The following RORA variants were observed in gnomAD, a reference collection of about 807,000 sequenced individuals.
RORA encodes nuclear receptor ROR-alpha.
A neutral mutation model predicts 69.5 loss-of-function variants in RORA; 7 were observed. The ratio of observed to expected loss-of-function variants is 0.10; its 90% CI spans 0.06 to 0.19. The LOEUF is 0.19. Ranked by LOEUF, RORA falls within the 10% of genes least tolerant of loss-of-function variation. RORA has a pLI of 1.00. For synonymous variants in RORA, 261 were observed against 240.8 expected (o/e 1.08, Z -0.78); for missense variants, 457 against 663.0 (o/e 0.69, Z 3.41).
At position 60,638,382 on chromosome 15, in the gene RORA, TTTTC is replaced by T. The variant is rs748252562; in HGVS notation, c.196+40271_196+40274del. Among the ~76,000 whole-genome samples the T allele has an allele frequency of 3.7e-3, 551 of 148,228 alleles. 1 individual carries two copies. Among genetic ancestry groups the T allele is most frequent in the East Asian group, 0.015 (79 of 5,098 alleles). On this transcript the variant is annotated intron_variant, in intron 2 of 10. Transcript: ENST00000335670. ...CTTGTCCTTATTTAACTGTATTTTC[TTTTC>T]TTTTTTTTTTTTTTTTGTCAAATGG...
intron 1 of RORA, among the ~76,000 whole-genome samples, chr15:61,116,679 C>T (rs1435611152): frequency 6.6e-6 from 1 of 152,224 alleles, no homozygotes; most frequent in Admixed American, 6.5e-5. Context: ...GAGCTTTCCT[C>T]AGGCTCTGAG....
At chr15:60,599,711 C>T (rs1358803044) in intron 2 of RORA, among the ~76,000 whole-genome samples, 1 of 152,188 alleles carries the variant, frequency 6.6e-6, no homozygotes, top group Non-Finnish European at 1.5e-5. Flanking sequence ...TTTCTTCTGC[C>T]TTCCCTCACA....
intron 2 of RORA, among the ~76,000 whole-genome samples, chr15:60,583,365 G>A (rs1185673516): frequency 3.3e-5 from 5 of 152,160 alleles, no homozygotes; most frequent in South Asian, 2.1e-4. Context: ...TTACTTTGTC[G>A]CTGAATAAAG....
At chr15:61,221,596 C>A (rs1596082621) in intron 1 of RORA, among the ~76,000 whole-genome samples, 1 of 152,294 alleles carries the variant, frequency 6.6e-6, no homozygotes, top group East Asian at 1.9e-4. Flanking sequence ...GTCATTTATA[C>A]ACAATTTTAT....
At chr15:60,869,055 C>A (rs956369564) in intron 1 of RORA, among the ~76,000 whole-genome samples, 66 of 152,164 alleles carry the variant, frequency 4.3e-4, no homozygotes, top group Admixed American at 4.3e-3. Context: ...TCAGGCACCC[C>A]CCCATTATTT....
chr15:60,835,236 G>T (rs375463778), intron 1 of RORA, among the ~76,000 whole-genome samples: 6 of 152,132 alleles, frequency 3.9e-5, no homozygotes, highest in East Asian at 3.9e-4. Context: ...CAAATCAAGG[G>T]GCCCTAAAGG....
intron 1 of RORA, among the ~76,000 whole-genome samples, chr15:60,785,863 T>A (rs1022765505): frequency 2.0e-5 from 3 of 152,246 alleles, no homozygotes; most frequent in African/African-American, 7.2e-5. Flanking sequence ...TACATTGATT[T>A]GGTGGCAATC....
intron 1 of RORA, among the ~76,000 whole-genome samples, chr15:60,760,234 G>A (rs1372186155): frequency 6.6e-6 from 1 of 152,070 alleles, no homozygotes; most frequent in Non-Finnish European, 1.5e-5. Context: ...GAGGAACTGT[G>A]CAGAGGATGA....
chr15:61,116,805 T>C (rs969898826), intron 1 of RORA, among the ~76,000 whole-genome samples: 3 of 152,068 alleles, frequency 2.0e-5, no homozygotes, highest in Non-Finnish European at 4.4e-5. Context: ...CATTTGTAAA[T>C]AGAAAAAATA....
In RORA at chr15:60,645,924, T is replaced by C. The variant is rs78868914; in HGVS notation, c.196+32733A>G. Among the ~76,000 whole-genome samples the C allele has an allele frequency of 2.6e-3, 403 of 152,092 alleles. 2 individuals are homozygous for C. Among genetic ancestry groups the C allele is most frequent in the African/African-American group, 9.3e-3 (385 of 41,478 alleles). ...TACACACTTCTCTATGTAAAAGATATCTGGATAAACTGAAACAAATCAGTA... is the reference window on the plus strand; with the variant it reads ...TACACACTTCTCTATGTAAAAGATACCTGGATAAACTGAAACAAATCAGTA... On this transcript the variant is annotated intron_variant, in intron 2 of 10. Coordinates refer to ENST00000335670, the MANE Select transcript of RORA (RefSeq NM_134261.3).
At chr15:61,017,995 A>G (rs1895364341) in intron 1 of RORA, among the ~76,000 whole-genome samples, 1 of 152,232 alleles carries the variant, frequency 6.6e-6, no homozygotes, top group Non-Finnish European at 1.5e-5. Flanking sequence ...ATGCCTGCTC[A>G]ACCTACATGA....
intron 1 of RORA, among the ~76,000 whole-genome samples, chr15:60,747,435 G>A (rs1045432647): frequency 2.0e-5 from 3 of 152,092 alleles, no homozygotes; most frequent in South Asian, 2.1e-4. Flanking sequence ...CAAAGATATC[G>A]AAACAGATTT....
chr15:60,597,595 C>CATATAT (rs1303389761), intron 2 of RORA, among the ~76,000 whole-genome samples: 1,112 of 30,240 alleles, frequency 0.037, 87 homozygotes, highest in Non-Finnish European at 0.047. Context: ...TATATATATA[C>CATATAT]ACATATATAT....
chr15:60,980,779 A>G (rs956809480), intron 1 of RORA, among the ~76,000 whole-genome samples: 3 of 151,954 alleles, frequency 2.0e-5, no homozygotes, highest in African/African-American at 7.2e-5. Context: ...TCTTCATCAG[A>G]CTAGCTAAAG....
At chr15:61,074,777 A>G (rs1457885652) in intron 1 of RORA, among the ~76,000 whole-genome samples, 3 of 152,170 alleles carry the variant, frequency 2.0e-5, no homozygotes, top group African/African-American at 7.2e-5. Flanking sequence ...CAGGAAAGCC[A>G]TGGGATGTTT....
chr15:60,865,803 A>T (rs1290344618), intron 1 of RORA, among the ~76,000 whole-genome samples: 1 of 152,050 alleles, frequency 6.6e-6, no homozygotes, highest in Middle Eastern at 3.2e-3. Flanking sequence ...CACTCATACC[A>T]TTTATATTTT....
chr15:60,531,750 A>C lies in RORA; in HGVS notation c.282+16T>G. On this transcript the variant is annotated intron_variant, in intron 3 of 10. Coordinates refer to ENST00000335670, the MANE Select transcript of RORA (RefSeq NM_134261.3). This position sits in a 1 kb window ranked among gnomAD's most constrained non-coding sequence, Gnocchi z 4.8. Reference sequence around the variant, plus strand: ...AACAAACATTAATAGAAACAACAACAATTAAAAAGGCTTACCTTGCAGCCT... The same window carrying C: ...AACAAACATTAATAGAAACAACAACCATTAAAAAGGCTTACCTTGCAGCCT... 2.1e-6 allele frequency: 3 copies of C among 1,407,342 alleles called. No individual in the cohort carries two copies. The highest frequency in any genetic ancestry group is 3.0e-6 in the Non-Finnish European group (3 of 1,015,294). 87.2% of individuals were successfully genotyped at this position (1,407,342 alleles called of 1,614,324 possible). A position where few individuals can be genotyped will look rare whatever the true frequency, so the allele number is the denominator to read the frequency against.
At chr15:61,060,561 A>T (rs370371793) in intron 1 of RORA, among the ~76,000 whole-genome samples, 1 of 151,940 alleles carries the variant, frequency 6.6e-6, no homozygotes, top group Non-Finnish European at 1.5e-5. Context: ...ACCTCTCCTG[A>T]CTCCCAACCA....
chr15:60,731,767 T>G (rs1386403609), intron 1 of RORA, among the ~76,000 whole-genome samples: 7 of 152,198 alleles, frequency 4.6e-5, no homozygotes, highest in Admixed American at 6.5e-5. Context: ...GTGCCCAAAA[T>G]GAAATACAGT....
Sources: allele counts gnomAD v4.1 joint callset (sites outside exome capture counted in the v4.1 genomes callset), GRCh38; gene constraint gnomAD v4.1.1; non-coding constraint Gnocchi (gnomAD v3.1); transcripts MANE v1.5; gene names NCBI Gene and HGNC (gene_info 2026-07-23, HGNC 2026-07-21).